The following VWA5B1 variants were observed in gnomAD, a reference collection of about 807,000 sequenced individuals.
The protein encoded by VWA5B1 is von Willebrand factor A domain containing 5B1.
A neutral mutation model predicts 118.2 loss-of-function variants in VWA5B1; 115 were observed. The observed-to-expected ratio is 0.97, with a 90% CI of 0.84 to 1.14. The LOEUF is 1.14. VWA5B1 is among the 50% of genes most tolerant of loss of function. The probability of loss-of-function intolerance (pLI) is 0.00; values close to 1 mark genes in which losing one functional copy is unlikely to be tolerated. For missense variants in VWA5B1, 1,596 were observed against 1,603.8 expected, an observed-to-expected ratio of 1.00 and a Z score of 0.08; for synonymous variants, 682 against 658.4, an observed-to-expected ratio of 1.04 and a Z score of -0.55.
intron 21 of VWA5B1, 30 bp downstream of exon 21, chr1:20,352,202 C>T (rs760218478): frequency 2.6e-6 from 4 of 1,511,186 alleles, no homozygotes; most frequent in South Asian, 2.4e-5. Context: ...GTGTCAGTCT[C>T]CCTCCGCTCC....
Position 20,332,555 on chromosome 1 carries a change from G to A in VWA5B1, c.1573-211G>A, listed in dbSNP as rs529185065. ...AAAATAAAATAAAATAAAATGCTAA[G>A]CTTAGAAAAGATGAAGCGAAGATGC... On this transcript the variant is annotated intron_variant, in intron 11 of 21. Transcript: ENST00000289815. Among the ~76,000 whole-genome samples, 47 of 125,486 alleles carry A rather than the reference G, an allele frequency of 3.7e-4. No individual in the cohort carries two copies. In the East Asian group the frequency reaches 8.8e-3, roughly 23 times the overall value. The allele number at this position is 125,486 out of a possible 152,430, so 82.3% of individuals were successfully genotyped here.
In VWA5B1 at chr1:20,317,667, T is replaced by A; in HGVS notation, c.701T>A (p.Leu234Gln). Residue 234 changes from leucine to glutamine, a missense_variant, in exon 5 of 22, where the codon CTG becomes CAG. Physicochemically the swap from Leu to Gln is moderately radical, Grantham distance 113. Coordinates refer to ENST00000289815, the MANE Select transcript of VWA5B1 (RefSeq NM_001039500.3). ...NFQLEIRGPC[L>Q]LAGVESPTHE... is the part of the protein sequence containing the mutation. The stretch of plus-strand genomic sequence containing the variant: ...CAGCTGGAGATCCGTGGGCCATGTC[T>A]GCTCGCAGGTGAGAGGGAGACATCC... 1 of 1,550,768 alleles carries A rather than the reference T, an allele frequency of 6.4e-7. No homozygotes were observed. Among genetic ancestry groups the A allele is most frequent in the Non-Finnish European group, 8.7e-7 (1 of 1,146,518 alleles).
Position 20,332,755 on chromosome 1 carries a change from C to T in VWA5B1, c.1573-11C>T. Reference sequence around the variant, plus strand: ...TACATCCCCCAACTGCATTCTGACCCTGCCCTACAGATGGTCAAATCCTTG... The same window carrying T: ...TACATCCCCCAACTGCATTCTGACCTTGCCCTACAGATGGTCAAATCCTTG... On this transcript the variant is annotated splice_polypyrimidine_tract_variant and intron_variant, in intron 11 of 21. Coordinates refer to ENST00000289815, the MANE Select transcript of VWA5B1 (RefSeq NM_001039500.3). The T allele has an allele frequency of 3.2e-6, 5 of 1,551,092 alleles. No individual in the cohort carries two copies. Among genetic ancestry groups the T allele is most frequent in the Non-Finnish European group, 4.4e-6 (5 of 1,146,562 alleles).
chr1:20,353,010 G>A (rs1049830283), intron 21 of VWA5B1, among the ~76,000 whole-genome samples: 2 of 152,154 alleles, frequency 1.3e-5, no homozygotes, highest in African/African-American at 2.4e-5. Flanking sequence ...GTCTGGTTTG[G>A]TTGGGGAGTA....
chr1:20,291,345 CTTTCTT>C (rs2088295975), intron 1 of VWA5B1, among the ~76,000 whole-genome samples: 2 of 121,224 alleles, frequency 1.6e-5, no homozygotes, highest in South Asian at 2.7e-4. Context: ...CTCTCTCTTT[CTTTCTT>C]TCTTTCTTTC....
In VWA5B1 at chr1:20,312,973, T is replaced by A. The variant is rs552043293; in HGVS notation, c.277T>A (p.Ser93Thr). Residue 93 changes from serine to threonine, a missense_variant, in exon 3 of 22, where the codon TCC (serine) becomes ACC (threonine). Ser to Thr is a moderately conservative substitution (Grantham distance 58, BLOSUM62 1). Coordinates refer to ENST00000289815, the MANE Select transcript of VWA5B1 (RefSeq NM_001039500.3). ...CCACTTCGATGCCTCCCATGTTCGA[T>A]CCCCAACAGTCACAGGTAAGGAGAC... Reference protein sequence around the residue: ...SGHFDASHVRSPTVTGNILQD... With the variant: ...SGHFDASHVRTPTVTGNILQD... 3.0e-4 allele frequency: 464 copies of A among 1,551,478 alleles called. 5 individuals are homozygous for A. The South Asian group carries it at 5.2e-3, about 17-fold the overall frequency.
chr1:20,330,243 A>G lies in VWA5B1; in HGVS notation c.1318A>G (p.Ile440Val), dbSNP rs1239166494. The G allele has an allele frequency of 1.3e-6, 2 of 1,551,730 alleles. No homozygotes were observed. Among genetic ancestry groups the G allele is most frequent in the Middle Eastern group, 1.7e-4 (1 of 5,992 alleles). ...GAAGGCCGACATGGGTGGGACCAAC[A>G]TCCTTTCCCCTCTCAAGTGGGTCAT... ...RMKADMGGTNILSPLKWVIRQ... is the reference protein window; with the variant it reads ...RMKADMGGTNVLSPLKWVIRQ... Residue 440 changes from isoleucine to valine, a missense_variant, in exon 10 of 22, where the codon ATC (isoleucine) becomes GTC (valine). Physicochemically the swap from Ile to Val is conservative, Grantham distance 29. Transcript: ENST00000289815.
In VWA5B1 at chr1:20,342,480, G is replaced by A. The variant is rs1286312916; in HGVS notation, c.2182G>A (p.Gly728Ser). 6.4e-7 allele frequency: 1 copy of A among 1,551,020 alleles called. No homozygotes were observed. Residue 728 changes from glycine to serine, a missense_variant, in exon 15 of 22, where the codon GGC becomes AGC. Gly to Ser is a moderately conservative substitution (Grantham distance 56). Transcript: ENST00000289815. ...QDLNQGPKLR[G>S]PGARRPSLLP... is the part of the protein sequence containing the mutation. Reference sequence around the variant, plus strand: ...CCTGAACCAGGGCCCCAAACTCCGTGGCCCAGGGGCCCGAAGGCCCTCTCT... The same window carrying A: ...CCTGAACCAGGGCCCCAAACTCCGTAGCCCAGGGGCCCGAAGGCCCTCTCT...
rs904163228 is a variant in VWA5B1 at position 20,354,551 on chromosome 1, C to G, written c.*288C>G. On this transcript the variant is annotated 3_prime_UTR_variant, in exon 22 of 22. Coordinates refer to ENST00000289815, the MANE Select transcript of VWA5B1 (RefSeq NM_001039500.3). ...GTGGATCTCAAATGGTTCAGTGGTT[C>G]CTTTCTGCCCATTCAGGCAGTCCCG... The G allele has an allele frequency of 7.0e-6, 3 of 429,062 alleles. No homozygotes were observed. The highest frequency in any genetic ancestry group is 1.3e-5 in the Non-Finnish European group (3 of 237,424). 26.6% of individuals were successfully genotyped at this position (429,062 alleles called of 1,614,324 possible). A position where few individuals can be genotyped will look rare whatever the true frequency, so the allele number is the denominator to read the frequency against.
rs2090213076 is a variant in VWA5B1, at chr1:20,355,505, A to C, written c.*1242A>C. On this transcript the variant is annotated 3_prime_UTR_variant, in exon 22 of 22. Transcript: ENST00000289815. ...CCCACCAGCTTGGGACTTCAGGCTGAATCTATCCACCCTCGAAGCCCCCTC... is the reference window on the plus strand; with the variant it reads ...CCCACCAGCTTGGGACTTCAGGCTGCATCTATCCACCCTCGAAGCCCCCTC... 6.6e-6 allele frequency among the ~76,000 whole-genome samples: 1 copy of C among 152,184 alleles called. No homozygotes were observed. Among genetic ancestry groups the C allele is most frequent in the Non-Finnish European group, 1.5e-5 (1 of 68,018 alleles).
intron 14 of VWA5B1, chr1:20,339,221 C>T (rs2089808843): frequency 6.6e-6 from 1 of 152,146 alleles, no homozygotes. Flanking sequence ...TTGTCCTAAA[C>T]CAAATTGTGG....
At chr1:20,296,466 G>A (rs925427269) in intron 1 of VWA5B1, among the ~76,000 whole-genome samples, 3 of 152,180 alleles carry the variant, frequency 2.0e-5, no homozygotes, top group Non-Finnish European at 4.4e-5. Flanking sequence ...TGAGAACCTG[G>A]CATTTAGGCC....
intron 8 of VWA5B1, among the ~76,000 whole-genome samples, chr1:20,324,075 T>C (rs56281589): frequency 0.057 from 8,619 of 152,322 alleles, 787 homozygotes; most frequent in African/African-American, 0.19. Flanking sequence ...AGAGCTTCAG[T>C]GGACATGGCC....
intron 13 of VWA5B1, 147 bp downstream of exon 13, chr1:20,336,633 G>C (rs2089725777): frequency 1.0e-6 from 1 of 994,248 alleles, no homozygotes; most frequent in Non-Finnish European, 1.3e-6. Context: ...ATTGAGACTT[G>C]GAGAATTTGA....
intron 19 of VWA5B1, 92 bp from the exon 20 acceptor site, chr1:20,350,765 C>T: frequency 8.2e-7 from 1 of 1,224,606 alleles, no homozygotes; most frequent in Non-Finnish European, 1.2e-6. Context: ...AAGCACCTGC[C>T]CCTCTCTAGG....
intron 12 of VWA5B1, among the ~76,000 whole-genome samples, chr1:20,333,838 C>G (rs183605496): frequency 6.6e-6 from 1 of 152,212 alleles, no homozygotes; most frequent in African/African-American, 2.4e-5. Context: ...TGTCCACTCT[C>G]TCTAAAGGAT....
chr1:20,358,645 A>G lies in VWA5B1; in HGVS notation c.*4382A>G, dbSNP rs948843222. Reference sequence around the variant, plus strand: ...TGGTCTCTAGAATCAAATGCACTCCATACTTTTAGTGCCCTGGGAAAGGAG... The same window carrying G: ...TGGTCTCTAGAATCAAATGCACTCCGTACTTTTAGTGCCCTGGGAAAGGAG... On this transcript the variant is annotated 3_prime_UTR_variant, in exon 22 of 22. Coordinates refer to ENST00000289815, the MANE Select transcript of VWA5B1 (RefSeq NM_001039500.3). 6.6e-6 allele frequency among the ~76,000 whole-genome samples: 1 copy of G among 152,118 alleles called. No homozygotes were observed. The highest frequency in any genetic ancestry group is 1.5e-5 in the Non-Finnish European group (1 of 68,016).
At chr1:20,335,796 G>C (rs1332014904) in intron 12 of VWA5B1, among the ~76,000 whole-genome samples, 1 of 152,240 alleles carries the variant, frequency 6.6e-6, no homozygotes, top group Non-Finnish European at 1.5e-5. Context: ...CGAAGGTGGA[G>C]GGGCTGGTCT....
chr1:20,347,966 G>A (rs374512090), intron 17 of VWA5B1, among the ~76,000 whole-genome samples: 6 of 152,274 alleles, frequency 3.9e-5, no homozygotes, highest in African/African-American at 1.4e-4. Flanking sequence ...CTCAGCAATA[G>A]TATCTACCCA....
Sources: allele counts gnomAD v4.1 joint callset (sites outside exome capture counted in the v4.1 genomes callset), GRCh38; gene constraint gnomAD v4.1.1; transcripts MANE v1.5; gene names NCBI Gene and HGNC (gene_info 2026-07-23, HGNC 2026-07-21).